MARCO: variants seen among roughly 807,000 people sequenced by gnomAD.
MARCO encodes the protein macrophage receptor with collagenous structure, also known as macrophage receptor MARCO.
A neutral mutation model predicts 70.0 loss-of-function variants in MARCO; 72 were observed. The observed-to-expected ratio is 1.03, with a 90% CI of 0.85 to 1.25. The LOEUF (loss-of-function observed/expected upper bound fraction) is 1.25. MARCO is among the 50% of genes most tolerant of loss of function. The pLI is 0.00. For missense variants in MARCO, 696 were observed against 659.3 expected (o/e 1.06, Z -0.61); for synonymous variants, 273 against 243.1 (o/e 1.12, Z -1.14).
At chr2:118,991,707 G>T in intron 13 of MARCO, 70 bp from the exon 14 acceptor site, 1 of 850,410 alleles carries the variant, frequency 1.2e-6, no homozygotes, top group Non-Finnish European at 1.8e-6. Flanking sequence ...TTATTAAACA[G>T]TAATGCCCTT....
intron 1 of MARCO, 129 bp from the exon 2 acceptor site, chr2:118,969,031 C>A: frequency 1.5e-6 from 1 of 686,266 alleles, no homozygotes; most frequent in Non-Finnish European, 2.6e-6. Context: ...GAGTCATGAG[C>A]TTTTGGTGTC....
At chr2:118,951,380 C>G (rs1485402616) in intron 1 of MARCO, among the ~76,000 whole-genome samples, 1 of 152,198 alleles carries the variant, frequency 6.6e-6, no homozygotes, top group Non-Finnish European at 1.5e-5. Flanking sequence ...ACAGAATAGC[C>G]GCATACCTTA....
chr2:118,972,808 C>T (rs141886202), intron 4 of MARCO, among the ~76,000 whole-genome samples: 160 of 152,304 alleles, frequency 1.1e-3, no homozygotes, highest in African/African-American at 3.3e-3. Context: ...ATTTCAATTG[C>T]TTTTGCTGAC....
rs148629424 is a variant in MARCO at position 118,985,241 on chromosome 2, A to G, written c.1063+2831A>G. Among the ~76,000 whole-genome samples, 217 of 152,292 alleles carry G rather than the reference A, an allele frequency of 1.4e-3. 3 individuals carry two copies. Among genetic ancestry groups the G allele is most frequent in the African/African-American group, 4.5e-3 (186 of 41,564 alleles). ...TCTGATTCCAGAGTTGTGCTTTTCC[A>G]GAATCGGTTTTATGGAAGAACGTAG... On this transcript the variant is annotated intron_variant, in intron 12 of 16. Transcript: ENST00000327097.
In MARCO at chr2:118,942,216, T is replaced by C; in HGVS notation, c.-85T>C. 1.2e-6 allele frequency: 1 copy of C among 843,022 alleles called. No individual in the cohort carries two copies. Among genetic ancestry groups the C allele is most frequent in the South Asian group, 1.5e-5 (1 of 67,908 alleles). The allele number at this position is 843,022 out of a possible 1,614,324, so 52.2% of individuals were successfully genotyped here. On this transcript the variant is annotated 5_prime_UTR_variant, in exon 1 of 17. An upstream start codon of the reference 5' UTR is lost. Coordinates refer to ENST00000327097, the MANE Select transcript of MARCO (RefSeq NM_006770.4). ...TTTACAACCAGCTGCAGTGGTTCGA[T>C]GGGAAGGATCTTTCTCCAAGTGGTT...
intron 1 of MARCO, among the ~76,000 whole-genome samples, chr2:118,950,812 T>C (rs561674896): frequency 4.5e-4 from 69 of 151,992 alleles, no homozygotes; most frequent in Non-Finnish European, 9.0e-4. Flanking sequence ...TTTTTTTTCC[T>C]CAAAGATGAT....
chr2:118,981,186 T>A (rs1255401514), intron 8 of MARCO, among the ~76,000 whole-genome samples: 1 of 152,134 alleles, frequency 6.6e-6, no homozygotes, highest in Non-Finnish European at 1.5e-5. Flanking sequence ...CTGTCAGCCA[T>A]ACCAGATCAC....
chr2:118,964,875 G>A (rs1030422367), intron 1 of MARCO, among the ~76,000 whole-genome samples: 7 of 138,130 alleles, frequency 5.1e-5, no homozygotes, highest in Admixed American at 1.5e-4. Flanking sequence ...GCGACAGAGT[G>A]AGATACCATC....
At position 118,981,400 on chromosome 2, in the gene MARCO, G is replaced by C. The variant is rs771549109; in HGVS notation, c.767-9G>C. On this transcript the variant is annotated splice_polypyrimidine_tract_variant and intron_variant, in intron 8 of 16. Coordinates refer to ENST00000327097, the MANE Select transcript of MARCO (RefSeq NM_006770.4). Reference sequence around the variant, plus strand: ...TCCCACAACTAACCAAGACTTTTTGGTTTTTCAGGAAGCAAAGGGGACAGG... The same window carrying C: ...TCCCACAACTAACCAAGACTTTTTGCTTTTTCAGGAAGCAAAGGGGACAGG... The C allele has an allele frequency of 1.9e-6, 3 of 1,593,880 alleles. No homozygotes were observed. Among genetic ancestry groups the C allele is most frequent in the Non-Finnish European group, 1.7e-6 (2 of 1,171,692 alleles).
At chr2:118,966,009 G>C (rs186973713) in intron 1 of MARCO, among the ~76,000 whole-genome samples, 12 of 152,224 alleles carry the variant, frequency 7.9e-5, no homozygotes, top group African/African-American at 2.6e-4. Context: ...GTCCACTAGT[G>C]TTATAGCACG....
chr2:118,948,231 C>G (rs1205226055), intron 1 of MARCO, among the ~76,000 whole-genome samples: 1 of 152,172 alleles, frequency 6.6e-6, no homozygotes, highest in East Asian at 1.9e-4. Context: ...AAGACCACAC[C>G]TGAACAAAAG....
chr2:118,942,449 C>T, intron 1 of MARCO, 52 bp downstream of exon 1: 2 of 1,386,600 alleles, frequency 1.4e-6, no homozygotes, highest in Non-Finnish European at 1.0e-6. Flanking sequence ...AGTCTTTCTG[C>T]TAGCGAGATA....
chr2:118,944,674 T>A (rs1284485116), intron 1 of MARCO: 1 of 152,124 alleles, frequency 6.6e-6, no homozygotes, highest in Admixed American at 6.6e-5. Context: ...TTATTATTAT[T>A]ACCCAAGGAT....
chr2:118,968,031 A>T (rs1057461731), intron 1 of MARCO, among the ~76,000 whole-genome samples: 1 of 152,150 alleles, frequency 6.6e-6, no homozygotes, highest in Non-Finnish European at 1.5e-5. Flanking sequence ...TTTTAACCCC[A>T]GCTCTCTCCT....
chr2:118,958,940 G>T (rs151243293), intron 1 of MARCO, among the ~76,000 whole-genome samples: 1,694 of 152,144 alleles, frequency 0.011, 23 homozygotes, highest in African/African-American at 0.037. Flanking sequence ...CCACATATAG[G>T]AGAATGAAAC....
chr2:118,947,970 T>G (rs1165044491), intron 1 of MARCO, among the ~76,000 whole-genome samples: 2 of 152,206 alleles, frequency 1.3e-5, no homozygotes, highest in Non-Finnish European at 2.9e-5. Context: ...TCCATGCACA[T>G]CTCTCCATTT....
intron 8 of MARCO, among the ~76,000 whole-genome samples, chr2:118,980,793 G>C (rs1024143841): frequency 6.6e-6 from 1 of 152,132 alleles, no homozygotes; most frequent in African/African-American, 2.4e-5. Flanking sequence ...AAGTCACAGA[G>C]CCCTACCCCA....
At position 118,993,282 on chromosome 2, in the gene MARCO, C is replaced by T. The variant is rs201844248; in HGVS notation, c.1411C>T (p.Leu471=). Residue 471 remains leucine (L), a synonymous_variant, in exon 16 of 17, where the codon CTG becomes TTG. Transcript: ENST00000327097. The part of the protein sequence containing the change: ...RMLGYSKGRA[L]YKVGAGTGQI... Reference sequence around the variant, plus strand: ...GCTGGGTTACTCCAAAGGAAGGGCCCTGTACAAAGTGGGAGCTGGTAAGTG... The same window carrying T: ...GCTGGGTTACTCCAAAGGAAGGGCCTTGTACAAAGTGGGAGCTGGTAAGTG... 47 of 1,614,018 alleles carry T rather than the reference C, an allele frequency of 2.9e-5. No individual in the cohort carries two copies. Among genetic ancestry groups the T allele is most frequent in the Middle Eastern group, 1.6e-4 (1 of 6,064 alleles).
chr2:118,944,155 G>A (rs1679553379), intron 1 of MARCO, among the ~76,000 whole-genome samples: 6 of 152,134 alleles, frequency 3.9e-5, no homozygotes, highest in Admixed American at 3.3e-4. Flanking sequence ...AACTAAGCCA[G>A]TGCAGGAGGA....
Sources: gnomAD v4.1 joint callset for allele counts (sites outside exome capture counted in the v4.1 genomes callset) on GRCh38, gnomAD v4.1.1 for gene constraint, MANE v1.5 for transcripts, NCBI Gene and HGNC (gene_info 2026-07-23, HGNC 2026-07-21) for gene names.